The following SIK3 variants were observed in gnomAD, a reference collection of about 807,000 sequenced individuals.
SIK3 encodes serine/threonine-protein kinase SIK3.
Under a neutral mutation model 144.2 loss-of-function variants are expected in SIK3, and 28 were observed. The ratio of observed to expected loss-of-function variants is 0.19; its 90% CI spans 0.14 to 0.27. SIK3 has a LOEUF of 0.27. SIK3 is among the 10% of genes least tolerant of loss of function. The pLI, the probability that SIK3 is intolerant of heterozygous loss-of-function variation, is 1.00. For synonymous variants in SIK3, 686 were observed against 676.3 expected (o/e 1.01, Z -0.22); for missense variants, 1,319 against 1,776.0 (o/e 0.74, Z 4.62).
At chr11:116,978,441 T>C (rs1401732822) in intron 1 of SIK3, among the ~76,000 whole-genome samples, 1 of 152,120 alleles carries the variant, frequency 6.6e-6, no homozygotes, top group East Asian at 1.9e-4. Flanking sequence ...TCTTACCATA[T>C]ATGTATCCCC....
At chr11:117,020,212 G>C (rs1361204999) in intron 1 of SIK3, among the ~76,000 whole-genome samples, 2 of 106,758 alleles carry the variant, frequency 1.9e-5, no homozygotes, top group African/African-American at 9.4e-5. Context: ...ATGGGTCGCG[G>C]TGATATTTGT....
chr11:116,909,417 G>A (rs1030178291), intron 4 of SIK3, among the ~76,000 whole-genome samples: 2 of 152,022 alleles, frequency 1.3e-5, no homozygotes, highest in Admixed American at 6.5e-5. Context: ...GTTGTGATGA[G>A]GTGTACAGCC....
intron 1 of SIK3, among the ~76,000 whole-genome samples, chr11:117,086,868 G>A (rs1169834584): frequency 1.3e-5 from 2 of 151,742 alleles, no homozygotes; most frequent in East Asian, 1.9e-4. Flanking sequence ...GGTGGCACGT[G>A]CCTGTAATCC....
intron 3 of SIK3, 65 bp downstream of exon 3, chr11:116,953,979 C>T: frequency 7.7e-7 from 1 of 1,303,972 alleles, no homozygotes; most frequent in Non-Finnish European, 1.1e-6. Context: ...AGGCACTGAA[C>T]AGCTATTTTA....
At chr11:116,993,045 TATTTC>T (rs1165316909) in intron 1 of SIK3, among the ~76,000 whole-genome samples, 5 of 152,124 alleles carry the variant, frequency 3.3e-5, no homozygotes, top group Non-Finnish European at 5.9e-5. Flanking sequence ...TATTTTATTT[TATTTC>T]TACTTTTATT....
intron 1 of SIK3, among the ~76,000 whole-genome samples, chr11:116,985,057 A>G (rs1214325288): frequency 6.6e-6 from 1 of 152,242 alleles, no homozygotes; most frequent in Non-Finnish European, 1.5e-5. Flanking sequence ...AATGGTTTAT[A>G]TTACCAAGCT....
At chr11:117,050,744 T>A (rs1158743730) in intron 1 of SIK3, among the ~76,000 whole-genome samples, 2 of 152,150 alleles carry the variant, frequency 1.3e-5, no homozygotes, top group African/African-American at 4.8e-5. Flanking sequence ...AGTTTTTTTT[T>A]AATGGATCTT....
At chr11:117,089,268 G>A (rs1277567006) in intron 1 of SIK3, among the ~76,000 whole-genome samples, 3 of 151,966 alleles carry the variant, frequency 2.0e-5, no homozygotes, top group East Asian at 1.9e-4. Flanking sequence ...TTAGCTGGGC[G>A]TGGCGGCAGG....
intron 1 of SIK3, among the ~76,000 whole-genome samples, chr11:117,068,929 T>C (rs17120276): frequency 0.014 from 2,205 of 152,226 alleles, 54 homozygotes; most frequent in African/African-American, 0.049. Flanking sequence ...GGAAGAGCCT[T>C]AAAGATGGGT....
At chr11:116,940,000 G>A (rs1948198041) in intron 3 of SIK3, among the ~76,000 whole-genome samples, 1 of 152,160 alleles carries the variant, frequency 6.6e-6, no homozygotes, top group African/African-American at 2.4e-5. Context: ...AACATGCCCT[G>A]GCTATTACAT....
chr11:117,016,269 T>A (rs1293438435), intron 1 of SIK3, among the ~76,000 whole-genome samples: 3 of 145,346 alleles, frequency 2.1e-5, no homozygotes. Context: ...GCCCTTGCAG[T>A]GAGCCGCGAT....
Position 117,078,413 on chromosome 11 carries a change from CCTTT to C in SIK3, c.273+19726_273+19729del, listed in dbSNP as rs1954644453. Among the ~76,000 whole-genome samples, 11 of 144,536 alleles carry C rather than the reference CCTTT, an allele frequency of 7.6e-5. No homozygotes were observed. The South Asian group carries it at 2.3e-3, about 31-fold the overall frequency. The allele number at this position is 144,536 out of a possible 152,430, so 94.8% of individuals were successfully genotyped here. A position where few individuals can be genotyped will look rare whatever the true frequency, so the allele number is the denominator to read the frequency against. ...TGGCTAAACTGAAATCTGCATAACA[CCTTT>C]TTTTTTTTTTTTTTTTTGAGACGGA... is the stretch of plus-strand genomic sequence containing the variant. On this transcript the variant is annotated intron_variant, in intron 1 of 24. Transcript: ENST00000445177.
chr11:116,933,734 A>G (rs772852175), intron 3 of SIK3, among the ~76,000 whole-genome samples: 2 of 152,146 alleles, frequency 1.3e-5, no homozygotes, highest in Non-Finnish European at 1.5e-5. Flanking sequence ...TCAAACTCCT[A>G]CACTCAAACA....
At chr11:116,965,775 A>G (rs1295261282) in intron 1 of SIK3, among the ~76,000 whole-genome samples, 1 of 52,210 alleles carries the variant, frequency 1.9e-5, no homozygotes, top group African/African-American at 7.9e-5. Context: ...ATATATATAT[A>G]TATATATAAA....
rs1947510266 is a variant in SIK3, at chr11:116,930,036, T to G, written c.455-2656A>C. On this transcript the variant is annotated intron_variant, in intron 3 of 24. Transcript: ENST00000445177. ...TATAGATACAAAGAAGATAAACAAA[T>G]CACTTTTTTTTTTCCCCTGGACTCT... is the stretch of plus-strand genomic sequence containing the variant. Among the ~76,000 whole-genome samples, 3 of 151,924 alleles carry G rather than the reference T, an allele frequency of 2.0e-5. No homozygotes were observed. The South Asian group carries it at 6.2e-4, about 31-fold the overall frequency.
intron 6 of SIK3, among the ~76,000 whole-genome samples, chr11:116,877,629 G>A (rs1944322034): frequency 6.6e-6 from 1 of 152,136 alleles, no homozygotes; most frequent in Non-Finnish European, 1.5e-5. Flanking sequence ...AATAGTCATA[G>A]GTATTTAAAA....
At chr11:116,879,804 C>A (rs145190674) in intron 6 of SIK3, among the ~76,000 whole-genome samples, 31 of 152,270 alleles carry the variant, frequency 2.0e-4, no homozygotes, top group African/African-American at 7.0e-4. Context: ...ATGCCATCTA[C>A]AACAGTACGC....
intron 4 of SIK3, among the ~76,000 whole-genome samples, chr11:116,897,623 G>A (rs981452220): frequency 6.6e-6 from 1 of 152,220 alleles, no homozygotes; most frequent in African/African-American, 2.4e-5. Context: ...GGGGGCAGTG[G>A]CTCATGCCTG....
At chr11:116,869,959 T>C in intron 14 of SIK3, 1 of 516,108 alleles carries the variant, frequency 1.9e-6, no homozygotes, top group Non-Finnish European at 3.2e-6. Flanking sequence ...CTAGGATCAC[T>C]GTCATCCCAC....
Sources: gnomAD v4.1 joint callset for allele counts (sites outside exome capture counted in the v4.1 genomes callset) on GRCh38, gnomAD v4.1.1 for gene constraint, MANE v1.5 for transcripts, NCBI Gene and HGNC (gene_info 2026-07-23, HGNC 2026-07-21) for gene names.